MRPL48: variants seen among roughly 807,000 people sequenced by gnomAD.
MRPL48 encodes the protein mitochondrial ribosomal protein L48.
Under a neutral mutation model 32.9 loss-of-function variants are expected in MRPL48, and 16 were observed. That is an observed-to-expected ratio of 0.49 (90% CI 0.33 to 0.74). The LOEUF (loss-of-function observed/expected upper bound fraction) is 0.74. MRPL48 is among the 30% of genes least tolerant of loss of function. The pLI, the probability that MRPL48 is intolerant of heterozygous loss-of-function variation, is 0.02. For missense variants in MRPL48, 206 were observed against 245.3 expected, an observed-to-expected ratio of 0.84 and a Z score of 1.07; for synonymous variants, 94 against 89.2, an observed-to-expected ratio of 1.05 and a Z score of -0.31.
At chr11:73,788,464 T>TTTTC (rs1381649624) in intron 1 of MRPL48, among the ~76,000 whole-genome samples, 6 of 147,520 alleles carry the variant, frequency 4.1e-5, no homozygotes, top group South Asian at 2.1e-4. Context: ...GTTTTTGTTC[T>TTTTC]TTTCTTTCTT....
chr11:73,803,484 T>C (rs537948815), intron 1 of MRPL48, among the ~76,000 whole-genome samples: 1 of 152,254 alleles, frequency 6.6e-6, no homozygotes, highest in South Asian at 2.1e-4. Context: ...TATTAGCTAG[T>C]GTCCATACTT....
intron 3 of MRPL48, among the ~76,000 whole-genome samples, chr11:73,818,735 A>T (rs1036700243): frequency 6.6e-6 from 1 of 152,188 alleles, no homozygotes; most frequent in African/African-American, 2.4e-5. Context: ...AAAAATGCTT[A>T]TCCCATTTCT....
intron 2 of MRPL48, among the ~76,000 whole-genome samples, chr11:73,806,133 CA>C (rs1947449016): frequency 6.6e-6 from 1 of 151,836 alleles, no homozygotes; most frequent in Non-Finnish European, 1.5e-5. Context: ...AGAGACCTAA[CA>C]TTATGAACAT....
chr11:73,856,637 C>T (rs932535645), intron 5 of MRPL48, among the ~76,000 whole-genome samples: 1 of 152,160 alleles, frequency 6.6e-6, no homozygotes, highest in African/African-American at 2.4e-5. Flanking sequence ...CACTATGAGG[C>T]TGCTCTTCTG....
chr11:73,809,186 G>A (rs1017290700), intron 3 of MRPL48, among the ~76,000 whole-genome samples: 2 of 151,812 alleles, frequency 1.3e-5, no homozygotes, highest in Non-Finnish European at 1.5e-5. Flanking sequence ...ACAAACTGTA[G>A]TGTACCATTT....
chr11:73,793,488 G>C (rs566299957), intron 1 of MRPL48, among the ~76,000 whole-genome samples: 1 of 152,318 alleles, frequency 6.6e-6, no homozygotes, highest in Admixed American at 6.5e-5. Context: ...AAGCAAGTCT[G>C]AGCAGTCACA....
At chr11:73,849,451 A>G (rs908281086) in intron 5 of MRPL48, among the ~76,000 whole-genome samples, 2 of 152,140 alleles carry the variant, frequency 1.3e-5, no homozygotes, top group Non-Finnish European at 2.9e-5. Flanking sequence ...CTTTTTATCT[A>G]TGTTCTGTCC....
At chr11:73,806,146 A>C (rs1306437461) in intron 2 of MRPL48, among the ~76,000 whole-genome samples, 2 of 152,102 alleles carry the variant, frequency 1.3e-5, no homozygotes, top group African/African-American at 4.8e-5. Flanking sequence ...TATGAACATA[A>C]GAATGATTCT....
At chr11:73,828,892 G>T (rs999056101) in intron 4 of MRPL48, among the ~76,000 whole-genome samples, 2 of 151,968 alleles carry the variant, frequency 1.3e-5, no homozygotes, top group South Asian at 4.2e-4. Flanking sequence ...GTAAAACAGT[G>T]TACAACATCA....
At chr11:73,852,266 A>T (rs1565110021) in intron 5 of MRPL48, among the ~76,000 whole-genome samples, 1 of 152,240 alleles carries the variant, frequency 6.6e-6, no homozygotes, top group East Asian at 1.9e-4. Context: ...TCTATGGACT[A>T]CACTTGAAAT....
chr11:73,804,976 T>C (rs922095863), intron 1 of MRPL48, 51 bp from the exon 2 acceptor site: 9 of 1,532,204 alleles, frequency 5.9e-6, no homozygotes, highest in Admixed American at 5.8e-5. Context: ...AAGACATACT[T>C]GGAGGTCTAT....
chr11:73,811,618 C>T (rs974111660), intron 3 of MRPL48, among the ~76,000 whole-genome samples: 3 of 152,094 alleles, frequency 2.0e-5, no homozygotes, highest in African/African-American at 7.2e-5. Flanking sequence ...ATGTTCAAGT[C>T]ATCATTATTC....
intron 3 of MRPL48, among the ~76,000 whole-genome samples, chr11:73,809,479 G>A (rs938513537): frequency 1.3e-5 from 2 of 150,722 alleles, no homozygotes; most frequent in African/African-American, 2.4e-5. Flanking sequence ...ACTCCAGCCT[G>A]GGCGACAGAG....
chr11:73,830,758 C>G (rs1483349278), intron 4 of MRPL48, among the ~76,000 whole-genome samples: 6 of 152,066 alleles, frequency 3.9e-5, no homozygotes, highest in Admixed American at 2.0e-4. Flanking sequence ...AGGTCCCACA[C>G]TCAGTCTTAT....
At chr11:73,804,969 A>G in intron 1 of MRPL48, 58 bp from the exon 2 acceptor site, 1 of 1,505,128 alleles carries the variant, frequency 6.6e-7, no homozygotes, top group Middle Eastern at 1.7e-4. Flanking sequence ...CTCTGAGAAG[A>G]CATACTTGGA....
At chr11:73,864,125 T>C (rs1028205475) in intron 7 of MRPL48, among the ~76,000 whole-genome samples, 171 bp from the exon 8 acceptor site, 36 of 152,186 alleles carry the variant, frequency 2.4e-4, no homozygotes, top group Non-Finnish European at 5.1e-4. Flanking sequence ...GATTCAAGTT[T>C]GAATCCCCAG....
intron 2 of MRPL48, among the ~76,000 whole-genome samples, chr11:73,807,592 A>C (rs1947476449): frequency 6.6e-6 from 1 of 151,904 alleles, no homozygotes. Context: ...TCAGAGTTTA[A>C]GATACATTTT....
chr11:73,862,133 C>G (rs1948594526), intron 6 of MRPL48, among the ~76,000 whole-genome samples: 1 of 152,030 alleles, frequency 6.6e-6, no homozygotes, highest in Non-Finnish European at 1.5e-5. Context: ...ACTAAAAATA[C>G]AAAAATTAGC....
intron 4 of MRPL48, among the ~76,000 whole-genome samples, chr11:73,838,556 T>G (rs1353672346): frequency 1.3e-5 from 2 of 152,170 alleles, no homozygotes; most frequent in Non-Finnish European, 2.9e-5. Context: ...GCTGGAAAAT[T>G]TCAGCCACTC....
Sources: gnomAD v4.1 joint callset for allele counts (sites outside exome capture counted in the v4.1 genomes callset) on GRCh38, gnomAD v4.1.1 for gene constraint, MANE v1.5 for transcripts, NCBI Gene and HGNC (gene_info 2026-07-23, HGNC 2026-07-21) for gene names.